The following STX3 variants were observed in gnomAD, a reference collection of about 807,000 sequenced individuals.
STX3 encodes syntaxin 3.
In STX3, 19 loss-of-function variants were observed where a neutral mutation model predicts 40.2. The observed-to-expected ratio is 0.47, with a 90% CI of 0.33 to 0.69. The LOEUF is 0.69. Among genes scored for constraint, STX3 ranks in the 30% least tolerant of loss-of-function variants. STX3 has a pLI of 0.02. For missense variants in STX3, 364 were observed against 366.7 expected, an observed-to-expected ratio of 0.99 and a Z score of 0.06; for synonymous variants, 122 against 132.2, an observed-to-expected ratio of 0.92 and a Z score of 0.53.
intron 8 of STX3, among the ~76,000 whole-genome samples, 190 bp from the exon 9 acceptor site, chr11:59,795,182 G>A (rs1865437769): frequency 6.6e-6 from 1 of 152,220 alleles, no homozygotes; most frequent in Non-Finnish European, 1.5e-5. Flanking sequence ...TTCACTGAAT[G>A]TTTCTTGAAC....
Position 59,802,305 on chromosome 11 carries a change from G to T in STX3, c.*1481G>T. 1 of 985,448 alleles carries T rather than the reference G, an allele frequency of 1.0e-6. No homozygotes were observed. Among genetic ancestry groups the T allele is most frequent in the African/African-American group, 1.7e-5 (1 of 57,346 alleles). The allele number at this position is 985,448 out of a possible 1,614,324, so 61.0% of individuals were successfully genotyped here. Reference sequence around the variant, plus strand: ...TGCTAACCCAGTGGTAAATCCCTTAGATCCCCTGCTGGTCTCTGGCAGTCT... The same window carrying T: ...TGCTAACCCAGTGGTAAATCCCTTATATCCCCTGCTGGTCTCTGGCAGTCT... On this transcript the variant is annotated 3_prime_UTR_variant, in exon 11 of 11. Coordinates refer to ENST00000337979, the MANE Select transcript of STX3 (RefSeq NM_004177.5).
intron 2 of STX3, among the ~76,000 whole-genome samples, chr11:59,773,997 A>T (rs1381953337): frequency 6.6e-6 from 1 of 151,476 alleles, no homozygotes; most frequent in Non-Finnish European, 1.5e-5. Flanking sequence ...AAAAAAAAAA[A>T]AAATTATAGT....
chr11:59,802,841 T>C lies in STX3; in HGVS notation c.*2017T>C, dbSNP rs767753952. The C allele has an allele frequency of 1.4e-5, 14 of 994,540 alleles. No homozygotes were observed. The highest frequency in any genetic ancestry group is 1.7e-5 in the Non-Finnish European group (14 of 836,156). The allele number at this position is 994,540 out of a possible 1,614,324, so 61.6% of individuals were successfully genotyped here. On this transcript the variant is annotated 3_prime_UTR_variant, in exon 11 of 11. Coordinates refer to ENST00000337979, the MANE Select transcript of STX3 (RefSeq NM_004177.5). The stretch of plus-strand genomic sequence containing the variant: ...ATCAGATGGTTCAAAAGTGCAATTT[T>C]TGAACATGGTTTAACTCCCACAGAA...
At chr11:59,799,932 T>C (rs1865776131) in intron 10 of STX3, 2 of 984,782 alleles carry the variant, frequency 2.0e-6, no homozygotes, top group African/African-American at 3.5e-5. Flanking sequence ...TGTTGAAATT[T>C]TAAAAAGATA....
chr11:59,795,684 CTGTCAAGTATCAGAGTGAAG>C, intron 9 of STX3: 1 of 1,537,072 alleles, frequency 6.5e-7, no homozygotes, highest in African/African-American at 1.4e-5. Context: ...ACCAAAAAGG[CTGTCAAGTATCAGAGTGAAG>C]CCCGGAGGGT....
chr11:59,755,742 T>C, intron 1 of STX3, 107 bp downstream of exon 1: 2 of 1,390,758 alleles, frequency 1.4e-6, no homozygotes, highest in Non-Finnish European at 1.9e-6. Flanking sequence ...GCCGGAGGCT[T>C]GCCCTCCCCA....
chr11:59,782,807 A>G (rs1461617076), intron 2 of STX3, among the ~76,000 whole-genome samples: 2 of 151,972 alleles, frequency 1.3e-5, no homozygotes, highest in Non-Finnish European at 2.9e-5. Context: ...AGCCTGGCCA[A>G]CATGGTGAAA....
intron 6 of STX3, 143 bp downstream of exon 6, chr11:59,792,358 C>G (rs1017490393): frequency 1.2e-5 from 8 of 655,382 alleles, no homozygotes; most frequent in Non-Finnish European, 2.2e-5. Flanking sequence ...TGGCACATCC[C>G]GAATGCTGTG....
At chr11:59,769,632 T>C (rs1263803893) in intron 1 of STX3, among the ~76,000 whole-genome samples, 1 of 152,112 alleles carries the variant, frequency 6.6e-6, no homozygotes, top group Non-Finnish European at 1.5e-5. Context: ...CCATTGTGGA[T>C]GTGGGGAATC....
intron 2 of STX3, among the ~76,000 whole-genome samples, chr11:59,783,756 T>C (rs1356845184): frequency 6.6e-6 from 1 of 152,192 alleles, no homozygotes; most frequent in Non-Finnish European, 1.5e-5. Flanking sequence ...GGAAAACCAG[T>C]ACTTCTAAGA....
At chr11:59,769,657 A>T (rs1283925946) in intron 1 of STX3, among the ~76,000 whole-genome samples, 2 of 152,132 alleles carry the variant, frequency 1.3e-5, no homozygotes, top group Non-Finnish European at 2.9e-5. Flanking sequence ...TGTGGATACT[A>T]GGGGTCTCAA....
intron 10 of STX3, chr11:59,800,204 G>C (rs997566743): frequency 2.0e-6 from 2 of 985,370 alleles, no homozygotes; most frequent in Non-Finnish European, 1.2e-6. Context: ...ACTGATTGTT[G>C]CCTAGGTCTG....
intron 1 of STX3, among the ~76,000 whole-genome samples, chr11:59,771,622 A>G (rs1200354127): frequency 2.6e-5 from 4 of 152,028 alleles, no homozygotes; most frequent in African/African-American, 9.7e-5. Context: ...TGTCAGTTGG[A>G]CCAATGCCTT....
intron 10 of STX3, among the ~76,000 whole-genome samples, chr11:59,798,936 C>G (rs1197851855): frequency 6.6e-6 from 1 of 152,228 alleles, no homozygotes; most frequent in Non-Finnish European, 1.5e-5. Flanking sequence ...GTCGCCCAGG[C>G]TGGAGCGCAG....
chr11:59,755,487 T>C lies in STX3; in HGVS notation c.-119T>C. The C allele has an allele frequency of 1.6e-5, 21 of 1,317,442 alleles. No individual in the cohort carries two copies. Among genetic ancestry groups the C allele is most frequent in the Non-Finnish European group, 2.1e-5 (21 of 1,011,296 alleles). 81.6% of individuals were successfully genotyped at this position (1,317,442 alleles called of 1,614,324 possible). ...GCCGCCGCCCGCCGCCGCCTGCGCC[T>C]CCAGCTCCTTCGCCCCGGCGGGCCC... is the stretch of plus-strand genomic sequence containing the variant. On this transcript the variant is annotated 5_prime_UTR_variant, in exon 1 of 11. Transcript: ENST00000337979.
At chr11:59,778,940 C>T (rs539286337) in intron 2 of STX3, among the ~76,000 whole-genome samples, 3 of 150,142 alleles carry the variant, frequency 2.0e-5, no homozygotes, top group South Asian at 4.2e-4. Flanking sequence ...TGGGTTCAAG[C>T]GATTTTCCTG....
chr11:59,781,745 C>A (rs1339174367), intron 2 of STX3: 10 of 1,566,672 alleles, frequency 6.4e-6, no homozygotes, highest in Non-Finnish European at 8.7e-6. Flanking sequence ...GGCTGGCGTG[C>A]AGAGAGCAAC....
chr11:59,769,419 G>A (rs1863444536), intron 1 of STX3, among the ~76,000 whole-genome samples: 1 of 152,146 alleles, frequency 6.6e-6, no homozygotes. Flanking sequence ...ATCTCGTTCA[G>A]TCCTCATAAA....
At chr11:59,775,051 T>C (rs1863882472) in intron 2 of STX3, among the ~76,000 whole-genome samples, 1 of 152,262 alleles carries the variant, frequency 6.6e-6, no homozygotes, top group South Asian at 2.1e-4. Flanking sequence ...AATGTGATGC[T>C]TCCCATCCTC....
Sources: allele counts gnomAD v4.1 joint callset (sites outside exome capture counted in the v4.1 genomes callset), GRCh38; gene constraint gnomAD v4.1.1; transcripts MANE v1.5; gene names NCBI Gene and HGNC (gene_info 2026-07-23, HGNC 2026-07-21).